Variants in KIAA1328 observed in about 807,000 individuals in gnomAD.
KIAA1328 encodes KIAA1328.
A neutral mutation model predicts 68.1 loss-of-function variants in KIAA1328; 52 were observed. The observed-to-expected ratio is 0.76, with a 90% CI of 0.61 to 0.96. The LOEUF (loss-of-function observed/expected upper bound fraction) is 0.96, where lower values mean the gene tolerates loss of function less well. KIAA1328 is among the 40% of genes least tolerant of loss of function. The pLI is 0.00. For synonymous variants in KIAA1328, 232 were observed against 239.4 expected (o/e 0.97, Z 0.28); for missense variants, 641 against 677.6 (o/e 0.95, Z 0.60).
intron 6 of KIAA1328, among the ~76,000 whole-genome samples, chr18:36,981,631 G>C (rs1391931317): frequency 6.6e-6 from 1 of 152,098 alleles, no homozygotes; most frequent in African/African-American, 2.4e-5. Context: ...CAGTCACCCA[G>C]GCTGAAGTGC....
At chr18:37,229,552 C>G, downstream of KIAA1328, 1 of 1,274,818 alleles carries the variant, frequency 7.8e-7, no homozygotes, top group Non-Finnish European at 1.0e-6. Flanking sequence ...TTCTTCCCTT[C>G]TCTTTCCTAT....
chr18:37,003,396 G>C (rs2053661029), intron 6 of KIAA1328, among the ~76,000 whole-genome samples: 1 of 152,070 alleles, frequency 6.6e-6, no homozygotes, highest in African/African-American at 2.4e-5. Context: ...AGAGTAATCA[G>C]ACAACCTGTT....
At chr18:36,877,510 G>A (rs906064835) in intron 4 of KIAA1328, among the ~76,000 whole-genome samples, 1 of 123,146 alleles carries the variant, frequency 8.1e-6, no homozygotes, top group Non-Finnish European at 1.7e-5. Context: ...GGTTTTTTTT[G>A]TTGGTTTTTT....
intron 4 of KIAA1328, among the ~76,000 whole-genome samples, chr18:36,850,142 T>A (rs2047164380): frequency 2.0e-5 from 3 of 152,056 alleles, no homozygotes; most frequent in Admixed American, 1.3e-4. Context: ...TTCCATTCTG[T>A]GCGTTGTTTT....
chr18:37,177,367 A>G (rs1220488706), intron 9 of KIAA1328, among the ~76,000 whole-genome samples: 1 of 152,212 alleles, frequency 6.6e-6, no homozygotes, highest in African/African-American at 2.4e-5. Flanking sequence ...GCAGAGGCAC[A>G]CCAGGCCTAC....
At chr18:37,101,107 C>T (rs545833751) in intron 7 of KIAA1328, among the ~76,000 whole-genome samples, 84 of 152,262 alleles carry the variant, frequency 5.5e-4, no homozygotes, top group Non-Finnish European at 1.0e-3. Context: ...AATATCAGAG[C>T]GCCTCTCCTC....
chr18:36,855,653 G>GATTAAGTCT (rs1262131064), intron 4 of KIAA1328, among the ~76,000 whole-genome samples: 1 of 151,470 alleles, frequency 6.6e-6, no homozygotes, highest in Non-Finnish European at 1.5e-5. Flanking sequence ...TTTGAATTTT[G>GATTAAGTCT]ATTAAGTCTA....
chr18:36,967,960 T>C (rs927180504), intron 6 of KIAA1328, among the ~76,000 whole-genome samples: 6 of 152,310 alleles, frequency 3.9e-5, no homozygotes, highest in South Asian at 2.1e-4. Flanking sequence ...CTATGACTCA[T>C]TGGCATCTTT....
Position 36,926,006 on chromosome 18 carries a change from G to A in KIAA1328, c.449-33302G>A, listed in dbSNP as rs532698369. ...GTTATCTCAACTTTTTTTTTTCTTAGTATTGTTTTGTTGTTCTCTGAAACC... is the reference window on the plus strand; with the variant it reads ...GTTATCTCAACTTTTTTTTTTCTTAATATTGTTTTGTTGTTCTCTGAAACC... On this transcript the variant is annotated intron_variant, in intron 5 of 9. Transcript: ENST00000280020. 3.4e-5 allele frequency among the ~76,000 whole-genome samples: 5 copies of A among 149,192 alleles called. No individual in the cohort carries two copies. In the South Asian group the frequency reaches 6.3e-4, roughly 19 times the overall value.
At chr18:37,024,598 A>G (rs1219363800) in intron 6 of KIAA1328, among the ~76,000 whole-genome samples, 3 of 148,186 alleles carry the variant, frequency 2.0e-5, no homozygotes, top group East Asian at 4.0e-4. Flanking sequence ...TTATTGTTCA[A>G]TTCCCATCTA....
chr18:37,037,293 G>C (rs1193838897), intron 6 of KIAA1328, among the ~76,000 whole-genome samples: 1 of 152,174 alleles, frequency 6.6e-6, no homozygotes, highest in African/African-American at 2.4e-5. Flanking sequence ...ATCTTAGTAA[G>C]TGGGATCTTG....
intron 7 of KIAA1328, 60 bp downstream of exon 7, chr18:37,067,605 G>C: frequency 7.0e-7 from 1 of 1,431,398 alleles, no homozygotes; most frequent in Non-Finnish European, 9.1e-7. Flanking sequence ...CTGTTGCCCA[G>C]GCTGGAGTGT....
chr18:36,963,650 C>T (rs2051792804), intron 6 of KIAA1328, among the ~76,000 whole-genome samples: 1 of 152,148 alleles, frequency 6.6e-6, no homozygotes, highest in African/African-American at 2.4e-5. Context: ...ATACTGTAAA[C>T]CTCAGTGATG....
chr18:37,118,603 G>A (rs2058185806), intron 7 of KIAA1328, among the ~76,000 whole-genome samples: 2 of 152,038 alleles, frequency 1.3e-5, no homozygotes, highest in Admixed American at 1.3e-4. Flanking sequence ...CCTCTTCTTT[G>A]CCTCTTAATT....
At chr18:37,185,697 A>G (rs1026595339) in intron 9 of KIAA1328, among the ~76,000 whole-genome samples, 2 of 150,760 alleles carry the variant, frequency 1.3e-5, no homozygotes, top group Non-Finnish European at 1.5e-5. Flanking sequence ...AAATATATAT[A>G]TACGTATATA....
rs577813136 is a variant in KIAA1328 at position 36,894,601 on chromosome 18, T to A, written c.448+8929T>A. On this transcript the variant is annotated intron_variant, in intron 5 of 9. Transcript: ENST00000280020. ...GCACAGTGGTGCAGTCATGGCTCAC[T>A]GCAGCCTTTAACTCCCAGGCCCAAG... Among the ~76,000 whole-genome samples, 7 of 152,212 alleles carry A rather than the reference T, an allele frequency of 4.6e-5. No homozygotes were observed. The South Asian group carries it at 8.3e-4, about 18-fold the overall frequency.
intron 6 of KIAA1328, among the ~76,000 whole-genome samples, chr18:37,014,519 A>C (rs1275598283): frequency 6.6e-6 from 1 of 152,190 alleles, no homozygotes; most frequent in Admixed American, 6.5e-5. Flanking sequence ...TTTATAAAGA[A>C]GAGTTTTAGT....
rs1403266325 is a variant in KIAA1328 at position 37,135,921 on chromosome 18, A to G, written c.1233-24279A>G. Among the ~76,000 whole-genome samples the G allele has an allele frequency of 3.3e-5, 5 of 152,168 alleles. No individual in the cohort carries two copies. In the East Asian group the frequency reaches 9.7e-4, roughly 29 times the overall value. ...TTATTGAACAGGAACTCCTGTCCCT[A>G]TTACTCATTTTTGTTGATTTTCTTG... is the stretch of plus-strand genomic sequence containing the variant. On this transcript the variant is annotated intron_variant, in intron 7 of 9. Transcript: ENST00000280020.
chr18:36,958,693 T>A (rs1209484744), intron 5 of KIAA1328, among the ~76,000 whole-genome samples: 2 of 152,172 alleles, frequency 1.3e-5, no homozygotes, highest in Non-Finnish European at 2.9e-5. Context: ...CTAATTATCT[T>A]TTTATTGTTT....
Sources: allele counts gnomAD v4.1 joint callset (sites outside exome capture counted in the v4.1 genomes callset), GRCh38; gene constraint gnomAD v4.1.1; transcripts MANE v1.5; gene names NCBI Gene and HGNC (gene_info 2026-07-23, HGNC 2026-07-21).